The following GNAQ variants were observed in gnomAD, a reference collection of about 807,000 sequenced individuals.
GNAQ encodes the protein guanine nucleotide-binding protein G(q) subunit alpha.
GNAQ carries 8 observed loss-of-function variants against 43.9 expected under a neutral mutation model. The observed-to-expected ratio is 0.18, with a 90% confidence interval of 0.11 to 0.33. The LOEUF (loss-of-function observed/expected upper bound fraction) is 0.33. Ranked by LOEUF, GNAQ falls within the 10% of genes least tolerant of loss-of-function variation. The pLI, the probability that GNAQ is intolerant of heterozygous loss-of-function variation, is 1.00. For synonymous variants in GNAQ, 155 were observed against 170.7 expected, an observed-to-expected ratio of 0.91 and a Z score of 0.71; for missense variants, 158 against 450.8, an observed-to-expected ratio of 0.35 and a Z score of 5.88.
Position 77,717,768 on chromosome 9 carries a change from A to G in GNAQ, c.*3555T>C, listed in dbSNP as rs1040763401. ...AATACAAGTTTTACGTGTTCTTCAG[A>G]TTCCTTTTGTAGTTGTCATCTGCTA... On this transcript the variant is annotated 3_prime_UTR_variant, in exon 7 of 7. Coordinates refer to ENST00000286548, the MANE Select transcript of GNAQ (RefSeq NM_002072.5). The G allele has an allele frequency of 4.3e-6, 1 of 232,176 alleles. No homozygotes were observed. The highest frequency in any genetic ancestry group is 8.5e-6 in the Non-Finnish European group (1 of 117,640). The allele number at this position is 232,176 out of a possible 1,614,324, so 14.4% of individuals were successfully genotyped here.
intron 1 of GNAQ, among the ~76,000 whole-genome samples, chr9:77,926,680 C>T (rs899196456): frequency 6.6e-6 from 1 of 152,134 alleles, no homozygotes; most frequent in African/African-American, 2.4e-5. Context: ...TGAACACACA[C>T]AAGGGTGTGA....
chr9:77,980,786 T>C (rs988884972), intron 1 of GNAQ, among the ~76,000 whole-genome samples: 2 of 152,238 alleles, frequency 1.3e-5, no homozygotes, highest in African/African-American at 4.8e-5. Context: ...TTCTGGAAGA[T>C]GAATACTCCC....
intron 1 of GNAQ, among the ~76,000 whole-genome samples, chr9:77,944,319 G>C (rs1829356693): frequency 6.6e-6 from 1 of 151,286 alleles, no homozygotes; most frequent in Non-Finnish European, 1.5e-5. Context: ...CGCCATACCA[G>C]ATCACCTGGC....
intron 1 of GNAQ, among the ~76,000 whole-genome samples, chr9:78,027,699 T>C (rs1823998974): frequency 1.4e-5 from 2 of 145,242 alleles, no homozygotes; most frequent in African/African-American, 5.2e-5. Context: ...TGCAGTGAAG[T>C]GAGGTCGCGC....
intron 2 of GNAQ, among the ~76,000 whole-genome samples, chr9:77,888,969 C>T (rs367946864): frequency 6.6e-6 from 1 of 152,210 alleles, no homozygotes; most frequent in East Asian, 1.9e-4. Flanking sequence ...TTCCCATAAG[C>T]TTGAACTCCT....
In GNAQ at chr9:77,937,468, A is replaced by C. The variant is rs140684954; in HGVS notation, c.137-15123T>G. On this transcript the variant is annotated intron_variant, in intron 1 of 6. Transcript: ENST00000286548. ...AAATAAATAAATAAATAAAATGTAG[A>C]GTTCAATGATTTTTAATATATACAC... Among the ~76,000 whole-genome samples the C allele has an allele frequency of 2.8e-3, 421 of 152,310 alleles. 5 individuals are homozygous for C. The highest frequency in any genetic ancestry group is 9.4e-3 in the African/African-American group (392 of 41,582).
At chr9:77,998,281 C>T (rs1354464267) in intron 1 of GNAQ, among the ~76,000 whole-genome samples, 3 of 152,194 alleles carry the variant, frequency 2.0e-5, no homozygotes, top group Non-Finnish European at 4.4e-5. Context: ...TCTCATGCTG[C>T]CTTTTTTGTC....
At chr9:77,904,831 T>C (rs558368653) in intron 2 of GNAQ, among the ~76,000 whole-genome samples, 1 of 152,248 alleles carries the variant, frequency 6.6e-6, no homozygotes, top group Non-Finnish European at 1.5e-5. Context: ...GTCAGAACAA[T>C]GCTTACAACA....
chr9:77,916,261 G>A (rs1023700227), intron 2 of GNAQ, among the ~76,000 whole-genome samples: 3 of 152,152 alleles, frequency 2.0e-5, no homozygotes, highest in Non-Finnish European at 4.4e-5. Context: ...CTTCAGAGGG[G>A]TAGATAAGAA....
intron 5 of GNAQ, among the ~76,000 whole-genome samples, chr9:77,787,154 C>A (rs1826494381): frequency 6.6e-6 from 1 of 152,148 alleles, no homozygotes; most frequent in Non-Finnish European, 1.5e-5. Flanking sequence ...AAATACACTA[C>A]TTGATTCTCT....
chr9:77,942,187 C>G (rs1237613567), intron 1 of GNAQ, among the ~76,000 whole-genome samples: 2 of 152,106 alleles, frequency 1.3e-5, no homozygotes, highest in Non-Finnish European at 2.9e-5. Context: ...GAACTGGTAA[C>G]AGAGTTAAAA....
At chr9:77,845,358 G>A (rs1231541403) in intron 2 of GNAQ, among the ~76,000 whole-genome samples, 1 of 152,004 alleles carries the variant, frequency 6.6e-6, no homozygotes, top group African/African-American at 2.4e-5. Flanking sequence ...TTGCTTCAGT[G>A]TATTATTTCA....
intron 2 of GNAQ, among the ~76,000 whole-genome samples, chr9:77,902,317 A>AT (rs1488854819): frequency 6.6e-6 from 1 of 152,142 alleles, no homozygotes; most frequent in Non-Finnish European, 1.5e-5. Context: ...GAAGAATATC[A>AT]TTTTCTCTTA....
At chr9:78,006,344 A>G (rs1167686702) in intron 1 of GNAQ, among the ~76,000 whole-genome samples, 4 of 152,198 alleles carry the variant, frequency 2.6e-5, no homozygotes, top group Non-Finnish European at 5.9e-5. Context: ...CCTGCCCCAT[A>G]AGATCTCAAT....
chr9:78,020,377 G>T (rs1823893482), intron 1 of GNAQ, among the ~76,000 whole-genome samples: 1 of 152,112 alleles, frequency 6.6e-6, no homozygotes, highest in Admixed American at 6.5e-5. Flanking sequence ...ACTCTGTCAA[G>T]GGTTTTTCTC....
chr9:77,822,373 T>C (rs1827131360), intron 2 of GNAQ, among the ~76,000 whole-genome samples: 2 of 152,202 alleles, frequency 1.3e-5, no homozygotes, highest in African/African-American at 2.4e-5. Context: ...TATAGATTCA[T>C]ATCATCTTCA....
chr9:77,727,949 C>T (rs942295871), intron 6 of GNAQ, among the ~76,000 whole-genome samples: 1 of 152,080 alleles, frequency 6.6e-6, no homozygotes, highest in Non-Finnish European at 1.5e-5. Context: ...TTGGTCAAAA[C>T]TACTGGATTG....
At chr9:77,828,481 T>C (rs1402779188) in intron 2 of GNAQ, among the ~76,000 whole-genome samples, 3 of 152,168 alleles carry the variant, frequency 2.0e-5, no homozygotes, top group Non-Finnish European at 2.9e-5. Flanking sequence ...CTTTTTTCTT[T>C]TGGGCCATTC....
At chr9:77,932,126 T>C (rs553131655) in intron 1 of GNAQ, among the ~76,000 whole-genome samples, 1 of 152,322 alleles carries the variant, frequency 6.6e-6, no homozygotes, top group Admixed American at 6.5e-5. Flanking sequence ...TTGGTTTTGA[T>C]CCAGTGGCAA....
Sources: allele counts gnomAD v4.1 joint callset (sites outside exome capture counted in the v4.1 genomes callset), GRCh38; gene constraint gnomAD v4.1.1; transcripts MANE v1.5; gene names NCBI Gene and HGNC (gene_info 2026-07-23, HGNC 2026-07-21).